The following DCC variants were observed in gnomAD, a reference collection of about 807,000 sequenced individuals.
The protein encoded by DCC is DCC netrin 1 receptor.
In DCC, 58 loss-of-function variants were observed where a neutral mutation model predicts 172.5. The ratio of observed to expected loss-of-function variants is 0.34; its 90% CI spans 0.27 to 0.42. The LOEUF is 0.42. DCC is among the 10% of genes least tolerant of loss of function. DCC has a pLI of 1.00. For missense variants in DCC, 1,740 were observed against 1,791.0 expected (o/e 0.97, Z 0.51); for synonymous variants, 709 against 644.5 (o/e 1.10, Z -1.52).
chr18:52,904,198 C>T (rs1246395741), intron 2 of DCC, among the ~76,000 whole-genome samples: 1 of 152,134 alleles, frequency 6.6e-6, no homozygotes, highest in Admixed American at 6.5e-5. Context: ...AAGGTTTTTG[C>T]ATGGTATAGC....
rs375905825 is a variant in DCC at position 53,329,215 on chromosome 18, A to G, written c.2164+7058A>G. Reference sequence around the variant, plus strand: ...TATGCCAAATGGTAAAATACTAAACACATTTGTTTTAAGATCCAAACAAGC... The same window carrying G: ...TATGCCAAATGGTAAAATACTAAACGCATTTGTTTTAAGATCCAAACAAGC... On this transcript the variant is annotated intron_variant, in intron 14 of 28. Transcript: ENST00000442544. Among the ~76,000 whole-genome samples the G allele has an allele frequency of 1.1e-4, 17 of 152,300 alleles. No individual in the cohort carries two copies. The South Asian group carries it at 1.7e-3, about 15-fold the overall frequency.
At chr18:53,382,736 A>C (rs1035969043) in intron 15 of DCC, among the ~76,000 whole-genome samples, 3 of 152,176 alleles carry the variant, frequency 2.0e-5, no homozygotes, top group Non-Finnish European at 2.9e-5. Flanking sequence ...TTTTCAAAAA[A>C]GAAATATTCC....
chr18:53,072,343 C>G (rs1388488880), intron 7 of DCC, among the ~76,000 whole-genome samples: 1 of 152,072 alleles, frequency 6.6e-6, no homozygotes, highest in East Asian at 1.9e-4. Context: ...GAGAAGTTAG[C>G]AATTATCTGG....
At chr18:53,166,016 G>T (rs1471120222) in intron 8 of DCC, among the ~76,000 whole-genome samples, 2 of 152,160 alleles carry the variant, frequency 1.3e-5, no homozygotes, top group Non-Finnish European at 2.9e-5. Context: ...GAGTCATTCA[G>T]CAGGCTATTG....
At chr18:53,118,704 C>T (rs538733429) in intron 7 of DCC, among the ~76,000 whole-genome samples, 70 of 151,766 alleles carry the variant, frequency 4.6e-4, no homozygotes, top group Non-Finnish European at 7.5e-4. Context: ...ATTATTACAT[C>T]GAAACCCCAC....
chr18:52,868,496 A>G (rs930402065), intron 2 of DCC, among the ~76,000 whole-genome samples: 1 of 152,196 alleles, frequency 6.6e-6, no homozygotes, highest in African/African-American at 2.4e-5. Flanking sequence ...GTATGACAGT[A>G]AGAGAAATTT....
intron 12 of DCC, among the ~76,000 whole-genome samples, chr18:53,229,372 A>C (rs1182659099): frequency 1.3e-5 from 2 of 152,178 alleles, no homozygotes; most frequent in Non-Finnish European, 2.9e-5. Flanking sequence ...AAACACAGCA[A>C]TTATTAAAAA....
rs187485565 is a variant in DCC at position 52,543,721 on chromosome 18, A to C, written c.91+202843A>C. Among the ~76,000 whole-genome samples, 395 of 152,238 alleles carry C rather than the reference A, an allele frequency of 2.6e-3. 1 individual carries two copies. The highest frequency in any genetic ancestry group is 3.5e-3 in the Non-Finnish European group (241 of 67,996). On this transcript the variant is annotated intron_variant, in intron 1 of 28. Coordinates refer to ENST00000442544, the MANE Select transcript of DCC (RefSeq NM_005215.4). Reference sequence around the variant, plus strand: ...CAGAGCCCCCTCTGAACAGATAAAAACCAAAAAGGTGCCCCTGACCCTTCT... The same window carrying C: ...CAGAGCCCCCTCTGAACAGATAAAACCCAAAAAGGTGCCCCTGACCCTTCT...
intron 1 of DCC, among the ~76,000 whole-genome samples, chr18:52,367,196 G>C (rs1984913425): frequency 6.7e-6 from 1 of 149,730 alleles, no homozygotes; most frequent in Non-Finnish European, 1.5e-5. Context: ...CGACTGCTCT[G>C]AGTGCGGGGC....
rs376670142 is a variant in DCC, at chr18:52,752,389, C to T, written c.412+15C>T. ...TGCAGTAGCAGGTAGGTGGATTCTT[C>T]CTTCTCTTCCTCCTCCTCCTTCCTC... is the stretch of plus-strand genomic sequence containing the variant. On this transcript the variant is annotated intron_variant, in intron 2 of 28. Coordinates refer to ENST00000442544, the MANE Select transcript of DCC (RefSeq NM_005215.4). The T allele has an allele frequency of 1.3e-6, 2 of 1,581,272 alleles. No individual in the cohort carries two copies. The highest frequency in any genetic ancestry group is 1.7e-5 in the Admixed American group (1 of 59,966).
intron 7 of DCC, among the ~76,000 whole-genome samples, chr18:53,072,667 A>G (rs554976170): frequency 2.4e-4 from 37 of 152,236 alleles, no homozygotes; most frequent in Non-Finnish European, 4.3e-4. Flanking sequence ...TCTACCATGC[A>G]CAAAATGGCT....
chr18:53,344,444 T>TC (rs1473456890), intron 15 of DCC, among the ~76,000 whole-genome samples: 18 of 137,726 alleles, frequency 1.3e-4, no homozygotes, highest in East Asian at 1.2e-3. Flanking sequence ...GTTTTTCTTT[T>TC]TTTTTTTTTT....
intron 12 of DCC, among the ~76,000 whole-genome samples, chr18:53,224,954 G>C (rs1001321462): frequency 1.3e-5 from 2 of 152,086 alleles, no homozygotes; most frequent in African/African-American, 4.8e-5. Flanking sequence ...ATAACACTTA[G>C]GGAGAGACTA....
At chr18:53,046,518 G>A (rs2042240285) in intron 5 of DCC, among the ~76,000 whole-genome samples, 1 of 150,630 alleles carries the variant, frequency 6.6e-6, no homozygotes, top group South Asian at 2.1e-4. Flanking sequence ...TTTTTTAGCA[G>A]CAGAAAATGT....
intron 12 of DCC, among the ~76,000 whole-genome samples, chr18:53,266,342 A>G (rs1230576172): frequency 6.6e-6 from 1 of 152,190 alleles, no homozygotes; most frequent in Non-Finnish European, 1.5e-5. Flanking sequence ...AGTTGGAACA[A>G]CTTGGAGGAG....
chr18:53,251,349 T>C (rs1488482932), intron 12 of DCC, among the ~76,000 whole-genome samples: 2 of 151,988 alleles, frequency 1.3e-5, no homozygotes, highest in Admixed American at 1.3e-4. Context: ...CCTTCTTACC[T>C]ATTCCACATT....
chr18:53,189,441 A>G (rs2055334576), intron 9 of DCC, among the ~76,000 whole-genome samples: 1 of 151,138 alleles, frequency 6.6e-6, no homozygotes, highest in Admixed American at 6.6e-5. Flanking sequence ...TTTTCCATAT[A>G]TAGTGTATAT....
chr18:53,429,240 A>AC (rs1599142160), intron 21 of DCC, among the ~76,000 whole-genome samples: 1 of 149,408 alleles, frequency 6.7e-6, no homozygotes, highest in East Asian at 2.0e-4. Context: ...GTATTTGTAA[A>AC]CGTTTTTCCT....
At chr18:53,480,426 T>G (rs1212134906) in intron 25 of DCC, among the ~76,000 whole-genome samples, 1 of 152,206 alleles carries the variant, frequency 6.6e-6, no homozygotes, top group African/African-American at 2.4e-5. Flanking sequence ...AGAAATTATC[T>G]TTCTCATGTC....
Sources: gnomAD v4.1 joint callset for allele counts (sites outside exome capture counted in the v4.1 genomes callset) on GRCh38, gnomAD v4.1.1 for gene constraint, MANE v1.5 for transcripts, NCBI Gene and HGNC (gene_info 2026-07-23, HGNC 2026-07-21) for gene names.